ALX3: variants seen among roughly 807,000 people sequenced by gnomAD.
ALX3 encodes homeobox protein aristaless-like 3.
ALX3 carries 17 observed loss-of-function variants against 26.3 expected under a neutral mutation model. The ratio of observed to expected loss-of-function variants is 0.65; its 90% CI spans 0.44 to 0.97. The LOEUF is 0.97. Ranked by LOEUF, ALX3 falls within the 50% of genes least tolerant of loss-of-function variation. The pLI, the probability that ALX3 is intolerant of heterozygous loss-of-function variation, is 0.00. For missense variants in ALX3, 461 were observed against 466.5 expected (o/e 0.99, Z 0.11); for synonymous variants, 208 against 201.4 (o/e 1.03, Z -0.28).
Position 110,060,657 on chromosome 1 carries a change from G to GAGTCAGAGGTGCTTCCTCCGTGGTGTCC in ALX3, c.*75_*76insGGACACCACGGAGGAAGCACCTCTGACT. ...AGCCTCCAGAACCATCTGGGGCTTG[G>GAGTCAGAGGTGCTTCCTCCGTGGTGTCC]AGGCAGAGGTGGGCTGGGAGCGACT... On this transcript the variant is annotated 3_prime_UTR_variant, in exon 4 of 4. Coordinates refer to ENST00000647563, the MANE Select transcript of ALX3 (RefSeq NM_006492.3). The GAGTCAGAGGTGCTTCCTCCGTGGTGTCC allele has an allele frequency of 6.6e-6, 2 of 301,242 alleles. No homozygotes were observed. The highest frequency in any genetic ancestry group is 2.7e-4 in the East Asian group (1 of 3,722). The allele number at this position is 301,242 out of a possible 1,614,324, so 18.7% of individuals were successfully genotyped here.
chr1:110,067,088 A>AT (rs1305606253), intron 1 of ALX3, among the ~76,000 whole-genome samples: 1 of 152,204 alleles, frequency 6.6e-6, no homozygotes, highest in Non-Finnish European at 1.5e-5. Flanking sequence ...GGAGGGTGGC[A>AT]TCCCTCCACT....
intron 3 of ALX3, 183 bp downstream of exon 3, chr1:110,061,252 C>G: frequency 8.8e-6 from 10 of 1,134,770 alleles, no homozygotes; most frequent in Non-Finnish European, 1.2e-5. Flanking sequence ...TTCTGTGATT[C>G]CTTTGTGTTC....
At chr1:110,068,814 G>T (rs1653848836) in intron 1 of ALX3, among the ~76,000 whole-genome samples, 1 of 151,910 alleles carries the variant, frequency 6.6e-6, no homozygotes, top group South Asian at 2.1e-4. Context: ...GTTGTCGCTC[G>T]CTTTCTTTGG....
At chr1:110,061,666 C>T (rs191002897) in intron 2 of ALX3, 103 bp from the exon 3 acceptor site, 2 of 1,513,832 alleles carry the variant, frequency 1.3e-6, no homozygotes, top group East Asian at 2.3e-5. Flanking sequence ...GGATGGGGAG[C>T]AGGCTCCAGG....
At position 110,070,421 on chromosome 1, in the gene ALX3, C is replaced by T. The variant is rs1653890586; in HGVS notation, c.192G>A (p.Pro64=). The T allele has an allele frequency of 7.9e-7, 1 of 1,271,170 alleles. No homozygotes were observed. The highest frequency in any genetic ancestry group is 2.9e-5 in the East Asian group (1 of 34,484). 78.7% of individuals were successfully genotyped at this position (1,271,170 alleles called of 1,614,324 possible). A position where few individuals can be genotyped will look rare whatever the true frequency, so the allele number is the denominator to read the frequency against. ...GCAGGTACTTGGCGGGCGGCTTGGC[C>T]GGCTCTGGGAGGTAGGGCTCCAGGG... is the stretch of plus-strand genomic sequence containing the variant. ...CGPLEPYLPE[P]AKPPAKYLQD... is the part of the protein sequence containing the mutation. Residue 64 remains proline (P), a synonymous_variant, in exon 1 of 4, where the codon CCG becomes CCA. Coordinates refer to ENST00000647563, the MANE Select transcript of ALX3 (RefSeq NM_006492.3).
chr1:110,060,828 C>G lies in ALX3; in HGVS notation c.937G>C (p.Glu313Gln). The G allele has an allele frequency of 1.9e-6, 3 of 1,613,996 alleles. No homozygotes were observed. Among genetic ancestry groups the G allele is most frequent in the Non-Finnish European group, 2.5e-6 (3 of 1,180,004 alleles). Reference protein sequence around the residue: ...FPPTLGGHSFEPSSDGDYKSP... With the variant: ...FPPTLGGHSFQPSSDGDYKSP... ...TTATAGTCACCATCTGAGGAAGGCT[C>G]AAAGCTGTGGCCCCCCAGGGTGGGG... Residue 313 changes from glutamate (E) to glutamine (Q), a missense_variant, in exon 4 of 4, where the codon GAG becomes CAG. Physicochemically the swap from Glu to Gln is conservative, Grantham distance 29. This residue lies in a region of ALX3 where 169 missense variants were observed against 178.0 expected (regional missense o/e 0.95). Transcript: ENST00000647563.
intron 2 of ALX3, chr1:110,062,646 G>GTGCGCGCGCGCGCGCGCGCGCGCACGC: frequency 7.9e-6 from 1 of 126,238 alleles, no homozygotes; most frequent in African/African-American, 2.8e-5. Flanking sequence ...TGTGTGTGTG[G>GTGCGCGCGCGCGCGCGCGCGCGCACGC]AGTAATCCGT....
Position 110,060,570 on chromosome 1 carries a change from C to T in ALX3, c.*163G>A, listed in dbSNP as rs1233024364. On this transcript the variant is annotated 3_prime_UTR_variant, in exon 4 of 4. Coordinates refer to ENST00000647563, the MANE Select transcript of ALX3 (RefSeq NM_006492.3). Reference sequence around the variant, plus strand: ...TTCTCCTAGGCAGCCCCACCTTGTTCTAAGAGAAAAGACCCTGTAACGTGT... The same window carrying T: ...TTCTCCTAGGCAGCCCCACCTTGTTTTAAGAGAAAAGACCCTGTAACGTGT... 1 of 609,814 alleles carries T rather than the reference C, an allele frequency of 1.6e-6. No individual in the cohort carries two copies. Among genetic ancestry groups the T allele is most frequent in the East Asian group, 3.0e-5 (1 of 33,826 alleles). The allele number at this position is 609,814 out of a possible 1,614,324, so 37.8% of individuals were successfully genotyped here. A position where few individuals can be genotyped will look rare whatever the true frequency, so the allele number is the denominator to read the frequency against.
chr1:110,068,443 C>T (rs1210916826), intron 1 of ALX3, among the ~76,000 whole-genome samples: 7 of 152,226 alleles, frequency 4.6e-5, no homozygotes. Flanking sequence ...CCGGCAAGAG[C>T]GCCAGAGGCT....
Position 110,061,028 on chromosome 1 carries a change from A to G in ALX3, c.737T>C (p.Leu246Pro), listed in dbSNP as rs769070620. Residue 246 changes from leucine to proline, a missense_variant, in exon 4 of 4, where the codon CTG (leucine) becomes CCG (proline). Physicochemically the swap from Leu to Pro is moderately conservative, Grantham distance 98. Coordinates refer to ENST00000647563, the MANE Select transcript of ALX3 (RefSeq NM_006492.3). ...GCTCCCAGATCCTGGACTGGCCCACAGGGAGTTCTGCAGCTGAAAAGAGAG... is the reference window on the plus strand; with the variant it reads ...GCTCCCAGATCCTGGACTGGCCCACGGGGAGTTCTGCAGCTGAAAAGAGAG... ...TDSHPQLQNSLWASPGSGSPG... is the reference protein window; with the variant it reads ...TDSHPQLQNSPWASPGSGSPG... 2.4e-5 allele frequency: 38 copies of G among 1,608,662 alleles called. No homozygotes were observed. The South Asian group carries it at 3.9e-4, about 16-fold the overall frequency.
At chr1:110,068,166 C>A (rs1653833620) in intron 1 of ALX3, among the ~76,000 whole-genome samples, 1 of 152,366 alleles carries the variant, frequency 6.6e-6, no homozygotes, top group African/African-American at 2.4e-5. Flanking sequence ...GTGCGCCAGG[C>A]TCTGGGGCGC....
chr1:110,069,112 C>A (rs1653858507), intron 1 of ALX3, among the ~76,000 whole-genome samples: 1 of 152,266 alleles, frequency 6.6e-6, no homozygotes, highest in South Asian at 2.1e-4. Context: ...ATCAGAGGAG[C>A]CAGGCCAACT....
chr1:110,065,510 AAG>A (rs752411064), intron 1 of ALX3, among the ~76,000 whole-genome samples: 6 of 152,182 alleles, frequency 3.9e-5, no homozygotes, highest in Admixed American at 2.0e-4. Flanking sequence ...AGATGGGACA[AAG>A]AAGCTTCCAG....
intron 2 of ALX3, chr1:110,061,908 G>GC: frequency 6.7e-6 from 2 of 299,652 alleles, no homozygotes; most frequent in Non-Finnish European, 6.3e-6. Context: ...CTGTGTACAT[G>GC]TGTTGGGTTT....
chr1:110,061,068 T>G (rs761029190), intron 3 of ALX3, 27 bp from the exon 4 acceptor site: 7 of 1,586,022 alleles, frequency 4.4e-6, no homozygotes, highest in Non-Finnish European at 6.0e-6. Context: ...AGAAGGCCCA[T>G]GAGCCTGTAG....
intron 3 of ALX3, 191 bp downstream of exon 3, chr1:110,061,244 C>G (rs1379130775): frequency 5.4e-6 from 6 of 1,117,652 alleles, no homozygotes; most frequent in Non-Finnish European, 7.6e-6. Flanking sequence ...AAATTTTCTT[C>G]TGTGATTCCT....
chr1:110,060,554 GCAGCCC>G lies in ALX3; in HGVS notation c.*173_*178del, dbSNP rs1314101519. ...GCTGCTTCGAAGCCCCTTCTCCTAG[GCAGCCC>G]CACCTTGTTCTAAGAGAAAAGACCC... is the stretch of plus-strand genomic sequence containing the variant. On this transcript the variant is annotated 3_prime_UTR_variant, in exon 4 of 4. Coordinates refer to ENST00000647563, the MANE Select transcript of ALX3 (RefSeq NM_006492.3). The G allele has an allele frequency of 4.6e-6, 2 of 431,464 alleles. No individual in the cohort carries two copies. Among genetic ancestry groups the G allele is most frequent in the African/African-American group, 4.5e-5 (2 of 44,174 alleles). The allele number at this position is 431,464 out of a possible 1,614,324, so 26.7% of individuals were successfully genotyped here.
intron 1 of ALX3, among the ~76,000 whole-genome samples, chr1:110,066,227 G>C (rs1653777309): frequency 6.6e-6 from 1 of 152,206 alleles, no homozygotes; most frequent in Admixed American, 6.5e-5. Context: ...GCTGGAAGGT[G>C]GTCAGTTACT....
At chr1:110,061,654 T>A in intron 2 of ALX3, 91 bp from the exon 3 acceptor site, 1 of 1,559,080 alleles carries the variant, frequency 6.4e-7, no homozygotes, top group Non-Finnish European at 8.7e-7. Flanking sequence ...TGTCCTCTTG[T>A]GGGATGGGGA....
Sources: gnomAD v4.1 joint callset for allele counts (sites outside exome capture counted in the v4.1 genomes callset) on GRCh38, gnomAD v4.1.1 for gene constraint, gnomAD v4.1.1 regional missense constraint, MANE v1.5 for transcripts, NCBI Gene and HGNC (gene_info 2026-07-23, HGNC 2026-07-21) for gene names.